RBFOX3: variants seen among roughly 807,000 people sequenced by gnomAD.
The protein encoded by RBFOX3 is RNA binding protein fox-1 homolog 3.
Under a neutral mutation model 48.7 loss-of-function variants are expected in RBFOX3, and 17 were observed. The ratio of observed to expected loss-of-function variants is 0.35; its 90% CI spans 0.24 to 0.52. RBFOX3 has a LOEUF of 0.52. RBFOX3 is among the 20% of genes least tolerant of loss of function. The pLI is 0.94. For missense variants in RBFOX3, 382 were observed against 497.5 expected (o/e 0.77, Z 2.21); for synonymous variants, 212 against 209.5 (o/e 1.01, Z -0.10).
At chr17:79,609,941 A>G (rs1363169997) in intron 1 of RBFOX3, among the ~76,000 whole-genome samples, 1 of 151,568 alleles carries the variant, frequency 6.6e-6, no homozygotes, top group African/African-American at 2.4e-5. Flanking sequence ...ACCAGGGCAG[A>G]AAGTTTGGGC....
At chr17:79,593,140 G>C (rs1272501033) in intron 1 of RBFOX3, among the ~76,000 whole-genome samples, 1 of 151,996 alleles carries the variant, frequency 6.6e-6, no homozygotes, top group Non-Finnish European at 1.5e-5. Flanking sequence ...CCTAAGAGAG[G>C]AACATGTGTG....
the RBFOX3 span, among the ~76,000 whole-genome samples, chr17:79,649,024 G>A: frequency 6.7e-6 from 1 of 149,778 alleles, no homozygotes; most frequent in Non-Finnish European, 1.5e-5. Flanking sequence ...TGTAACCCAG[G>A]CTGGAGTGCA....
intron 2 of RBFOX3, among the ~76,000 whole-genome samples, chr17:79,376,467 G>A (rs1049547784): frequency 6.6e-6 from 1 of 152,192 alleles, no homozygotes; most frequent in Non-Finnish European, 1.5e-5. Context: ...CATGAAGAAA[G>A]CTGGGCCTCA....
chr17:79,173,558 T>C (rs2049853778), intron 4 of RBFOX3, among the ~76,000 whole-genome samples: 1 of 152,188 alleles, frequency 6.6e-6, no homozygotes, highest in South Asian at 2.1e-4. Context: ...ATGCCCCTGA[T>C]GCCTTTAGCT....
intron 4 of RBFOX3, among the ~76,000 whole-genome samples, chr17:79,172,413 G>A (rs1369449302): frequency 1.3e-5 from 2 of 152,200 alleles, no homozygotes; most frequent in East Asian, 3.9e-4. Flanking sequence ...CAGGAGCTGG[G>A]AGGGGACCGG....
chr17:79,094,546 G>C lies in RBFOX3; in HGVS notation c.999-17C>G, dbSNP rs1051518053. 1.5e-6 allele frequency: 2 copies of C among 1,297,852 alleles called. No homozygotes were observed. Among genetic ancestry groups the C allele is most frequent in the Admixed American group, 7.4e-5 (2 of 26,964 alleles). 80.4% of individuals were successfully genotyped at this position (1,297,852 alleles called of 1,614,324 possible). On this transcript the variant is annotated splice_polypyrimidine_tract_variant and intron_variant, in intron 13 of 14. Transcript: ENST00000693108. Reference sequence around the variant, plus strand: ...CTGCCGTAACTAGGGAAGAGCGTGGGAGGGGGAGTGGGAGGAGGGTGGGGG... The same window carrying C: ...CTGCCGTAACTAGGGAAGAGCGTGGCAGGGGGAGTGGGAGGAGGGTGGGGG...
intron 2 of RBFOX3, among the ~76,000 whole-genome samples, chr17:79,312,913 C>T (rs1346671597): frequency 6.6e-6 from 1 of 152,078 alleles, no homozygotes; most frequent in African/African-American, 2.4e-5. Flanking sequence ...GGCTGCAGGG[C>T]CACAGTGGGA....
At chr17:79,135,238 T>G (rs1379372025) in intron 4 of RBFOX3, among the ~76,000 whole-genome samples, 1 of 152,144 alleles carries the variant, frequency 6.6e-6, no homozygotes, top group Non-Finnish European at 1.5e-5. Flanking sequence ...TGGGGCTGTG[T>G]TTCAACTGTA....
chr17:79,538,992 C>T (rs139911262), intron 1 of RBFOX3, among the ~76,000 whole-genome samples: 1 of 152,276 alleles, frequency 6.6e-6, no homozygotes, highest in African/African-American at 2.4e-5. Context: ...AATACTCCAC[C>T]TTCCTCAAGT....
intron 4 of RBFOX3, among the ~76,000 whole-genome samples, chr17:79,147,536 C>T (rs921038550): frequency 1.3e-5 from 2 of 152,060 alleles, no homozygotes; most frequent in South Asian, 2.1e-4. Flanking sequence ...GTCCAGAGAT[C>T]GGGAGGATCT....
chr17:79,531,798 C>T (rs1414739094), intron 1 of RBFOX3, among the ~76,000 whole-genome samples: 1 of 152,208 alleles, frequency 6.6e-6, no homozygotes, highest in Non-Finnish European at 1.5e-5. Flanking sequence ...AGATGGATTC[C>T]TGAAAATCTG....
intron 3 of RBFOX3, among the ~76,000 whole-genome samples, chr17:79,268,458 T>A (rs2067108520): frequency 6.6e-6 from 1 of 152,142 alleles, no homozygotes; most frequent in Non-Finnish European, 1.5e-5. Context: ...TTCTGGCCCT[T>A]CCTCAGCTGG....
chr17:79,499,530 C>T (rs1391539464), intron 1 of RBFOX3, among the ~76,000 whole-genome samples: 2 of 152,240 alleles, frequency 1.3e-5, no homozygotes, highest in African/African-American at 2.4e-5. Context: ...AGGCCCACAA[C>T]AGGGGCAGGG....
chr17:79,624,879 T>G, the RBFOX3 span, among the ~76,000 whole-genome samples: 2 of 126,174 alleles, frequency 1.6e-5, no homozygotes, highest in Non-Finnish European at 3.1e-5. Flanking sequence ...GCACACTCAC[T>G]GCCAGCCAAG....
At chr17:79,181,089 G>A (rs183790235) in intron 4 of RBFOX3, among the ~76,000 whole-genome samples, 3 of 152,096 alleles carry the variant, frequency 2.0e-5, no homozygotes, top group African/African-American at 7.2e-5. Flanking sequence ...GCCATTTTTC[G>A]GAGGCTTGCC....
intron 2 of RBFOX3, among the ~76,000 whole-genome samples, chr17:79,444,367 T>C (rs1344323238): frequency 1.3e-5 from 2 of 152,014 alleles, no homozygotes; most frequent in Non-Finnish European, 2.9e-5. Flanking sequence ...CCAGTGAGGT[T>C]GGAAGCAGCT....
At chr17:79,590,762 T>C (rs2093393303) in intron 1 of RBFOX3, among the ~76,000 whole-genome samples, 1 of 152,186 alleles carries the variant, frequency 6.6e-6, no homozygotes, top group Non-Finnish European at 1.5e-5. Context: ...GGCGTTCAGA[T>C]GGCCCCTTTC....
chr17:79,650,497 C>T, the RBFOX3 span, among the ~76,000 whole-genome samples: 2 of 152,082 alleles, frequency 1.3e-5, no homozygotes, highest in Admixed American at 6.5e-5. Flanking sequence ...ATTGCAGCCA[C>T]GCCGCTCTCC....
At chr17:79,331,100 C>T (rs1245390169) in intron 2 of RBFOX3, among the ~76,000 whole-genome samples, 3 of 152,194 alleles carry the variant, frequency 2.0e-5, no homozygotes, top group South Asian at 4.1e-4. Context: ...TCTGTCCCCT[C>T]CCAGACCGCC....
Sources: allele counts gnomAD v4.1 joint callset (sites outside exome capture counted in the v4.1 genomes callset), GRCh38; gene constraint gnomAD v4.1.1; transcripts MANE v1.5; gene names NCBI Gene and HGNC (gene_info 2026-07-23, HGNC 2026-07-21).